The following PRICKLE1 variants were observed in gnomAD, a reference collection of about 807,000 sequenced individuals.
PRICKLE1 encodes prickle planar cell polarity protein 1.
PRICKLE1 carries 14 observed loss-of-function variants against 70.2 expected under a neutral mutation model. That is an observed-to-expected ratio of 0.20 (90% confidence interval 0.13 to 0.31). The LOEUF (loss-of-function observed/expected upper bound fraction) is 0.31, where lower values mean the gene tolerates loss of function less well. PRICKLE1 is among the 10% of genes least tolerant of loss of function. The pLI is 1.00. For missense variants in PRICKLE1, 821 were observed against 1,026.2 expected, an observed-to-expected ratio of 0.80 and a Z score of 2.73; for synonymous variants, 357 against 379.9, an observed-to-expected ratio of 0.94 and a Z score of 0.70.
chr12:42,575,658 T>TA (rs779720486), intron 1 of PRICKLE1, among the ~76,000 whole-genome samples: 25 of 151,662 alleles, frequency 1.6e-4, no homozygotes, highest in Non-Finnish European at 2.4e-4. Flanking sequence ...AGTGCCATTG[T>TA]ACTCCAGCCT....
chr12:42,509,590 T>C (rs567049021), intron 1 of PRICKLE1, among the ~76,000 whole-genome samples: 3 of 152,192 alleles, frequency 2.0e-5, no homozygotes, highest in Non-Finnish European at 2.9e-5. Flanking sequence ...CAGCAACACA[T>C]AGAAGGAACT....
intron 1 of PRICKLE1, chr12:42,485,452 G>A (rs2141931): frequency 0.16 from 24,190 of 151,960 alleles, 2,114 homozygotes; most frequent in Admixed American, 0.25. Flanking sequence ...CTTAGGCCTA[G>A]TTTAGGGATT....
intron 1 of PRICKLE1, among the ~76,000 whole-genome samples, chr12:42,546,608 G>C (rs1193668929): frequency 2.0e-5 from 3 of 152,118 alleles, no homozygotes; most frequent in Non-Finnish European, 4.4e-5. Context: ...ACAAAAATTA[G>C]CCAGGTGTGG....
intron 7 of PRICKLE1, among the ~76,000 whole-genome samples, chr12:42,460,889 G>T (rs1937805463): frequency 6.7e-6 from 1 of 148,602 alleles, no homozygotes; most frequent in African/African-American, 2.4e-5. Flanking sequence ...TTGTTTTTTT[G>T]TTTTGTTTTG....
chr12:42,476,598 G>A lies in PRICKLE1; in HGVS notation c.-48-4034C>T, dbSNP rs186235739. Among the ~76,000 whole-genome samples, 55 of 152,302 alleles carry A rather than the reference G, an allele frequency of 3.6e-4. 1 individual carries two copies. In the East Asian group the frequency reaches 0.01, roughly 28 times the overall value. The stretch of plus-strand genomic sequence containing the variant: ...CCCAAAGTGCTGGGATTACAGGCGT[G>A]AGCCACGGCACCTGGCTTCTAGCAA... On this transcript the variant is annotated intron_variant, in intron 1 of 7. Coordinates refer to ENST00000345127, the MANE Select transcript of PRICKLE1 (RefSeq NM_153026.3).
At chr12:42,568,200 G>C (rs1940653399) in intron 1 of PRICKLE1, among the ~76,000 whole-genome samples, 1 of 152,078 alleles carries the variant, frequency 6.6e-6, no homozygotes, top group Admixed American at 6.6e-5. Context: ...TTTGAGATGG[G>C]GTCTGGCTCT....
intron 7 of PRICKLE1, 57 bp from the exon 8 acceptor site, chr12:42,460,722 C>T: frequency 2.5e-6 from 4 of 1,579,694 alleles, no homozygotes; most frequent in Middle Eastern, 1.7e-4. Flanking sequence ...TTCGACAGTA[C>T]TTAAAAGTAA....
At chr12:42,519,193 C>CTTTTTTTTTTTTTTTTTTTTTTT (rs11342397) in intron 1 of PRICKLE1, among the ~76,000 whole-genome samples, 2 of 99,190 alleles carry the variant, frequency 2.0e-5, no homozygotes, top group Non-Finnish European at 3.8e-5. Flanking sequence ...CCTTTTTTTC[C>CTTTTTTTTTTTTTTTTTTTTTTT]TTTTTTTTTT....
Position 42,456,766 on chromosome 12 carries a change from A to G in PRICKLE1, c.*3043T>C, listed in dbSNP as rs376514105. ...GTGAGAATAGACTAAGTCGGCAACT[A>G]TAGGCTTTATTTTCTTGCCAATTCT... On this transcript the variant is annotated 3_prime_UTR_variant, in exon 8 of 8. Transcript: ENST00000345127. 71 of 152,302 alleles carry G rather than the reference A, an allele frequency of 4.7e-4. No homozygotes were observed. Among genetic ancestry groups the G allele is most frequent in the African/African-American group, 1.6e-3 (65 of 41,554 alleles). 9.4% of individuals were successfully genotyped at this position (152,302 alleles called of 1,614,324 possible).
chr12:42,557,268 G>A (rs558255797), intron 1 of PRICKLE1, among the ~76,000 whole-genome samples: 106 of 152,284 alleles, frequency 7.0e-4, no homozygotes, highest in Admixed American at 2.9e-3. Context: ...TATCCTTTAA[G>A]CTTTTGTGGA....
chr12:42,485,052 C>G (rs1938950879), intron 1 of PRICKLE1, among the ~76,000 whole-genome samples: 1 of 151,734 alleles, frequency 6.6e-6, no homozygotes, highest in Non-Finnish European at 1.5e-5. Context: ...AAAAAATAAT[C>G]CTGTACCATC....
At chr12:42,586,113 T>C (rs1291192870) in intron 1 of PRICKLE1, among the ~76,000 whole-genome samples, 2 of 152,166 alleles carry the variant, frequency 1.3e-5, no homozygotes, top group Admixed American at 1.3e-4. Flanking sequence ...AAAGAAGTAA[T>C]GGTCCCTTAA....
intron 1 of PRICKLE1, among the ~76,000 whole-genome samples, chr12:42,510,898 C>G (rs1444080431): frequency 6.6e-6 from 1 of 152,220 alleles, no homozygotes; most frequent in African/African-American, 2.4e-5. Context: ...AAAGGTTCTT[C>G]CTAGTTCAAA....
chr12:42,560,386 G>A (rs893231035), intron 1 of PRICKLE1, among the ~76,000 whole-genome samples: 8 of 151,822 alleles, frequency 5.3e-5, no homozygotes, highest in Non-Finnish European at 8.8e-5. Flanking sequence ...CACCCGCCTC[G>A]GCTTCCCAAA....
rs73273967 is a variant in PRICKLE1, at chr12:42,465,516, G to C, written c.776-258C>G. ...CAGATGTGCAGAGTGGTAAAAATAC[G>C]AACTGAACCAACATGCACTGATCCA... is the stretch of plus-strand genomic sequence containing the variant. On this transcript the variant is annotated intron_variant, in intron 6 of 7. Coordinates refer to ENST00000345127, the MANE Select transcript of PRICKLE1 (RefSeq NM_153026.3). 5,214 of 501,572 alleles carry C rather than the reference G, an allele frequency of 0.01. 88 individuals carry two copies. The highest frequency in any genetic ancestry group is 0.027 in the East Asian group (759 of 27,622). 31.1% of individuals were successfully genotyped at this position (501,572 alleles called of 1,614,324 possible).
intron 1 of PRICKLE1, among the ~76,000 whole-genome samples, chr12:42,478,679 G>T (rs1039913113): frequency 6.6e-6 from 1 of 151,112 alleles, no homozygotes; most frequent in East Asian, 1.9e-4. Context: ...TGGTCACAAG[G>T]GAGGTGAGAA....
At chr12:42,527,915 TAATA>T (rs1939833271) in intron 1 of PRICKLE1, among the ~76,000 whole-genome samples, 1 of 104,038 alleles carries the variant, frequency 9.6e-6, no homozygotes, top group African/African-American at 3.8e-5. Flanking sequence ...ATACTCTTTA[TAATA>T]TATATATATA....
chr12:42,567,123 A>G (rs1365473078), intron 1 of PRICKLE1, among the ~76,000 whole-genome samples: 1 of 152,216 alleles, frequency 6.6e-6, no homozygotes, highest in African/African-American at 2.4e-5. Context: ...CCTTACGCCA[A>G]GTATACAGAG....
At chr12:42,567,496 A>C (rs1940639345) in intron 1 of PRICKLE1, among the ~76,000 whole-genome samples, 3 of 152,168 alleles carry the variant, frequency 2.0e-5, no homozygotes. Context: ...GTAGTATAGG[A>C]GCAAAGATAT....
Sources: gnomAD v4.1 joint callset for allele counts (sites outside exome capture counted in the v4.1 genomes callset) on GRCh38, gnomAD v4.1.1 for gene constraint, MANE v1.5 for transcripts, NCBI Gene and HGNC (gene_info 2026-07-23, HGNC 2026-07-21) for gene names.